Variants in ZNF341 observed in about 807,000 individuals in gnomAD.
The protein encoded by ZNF341 is zinc finger protein 341.
A neutral mutation model predicts 87.7 loss-of-function variants in ZNF341; 52 were observed. That is an observed-to-expected ratio of 0.59 (90% confidence interval 0.47 to 0.75). The LOEUF is 0.75. ZNF341 is among the 30% of genes least tolerant of loss of function. The pLI, the probability that ZNF341 is intolerant of heterozygous loss-of-function variation, is 0.00. For synonymous variants in ZNF341, 459 were observed against 472.7 expected, an observed-to-expected ratio of 0.97 and a Z score of 0.38; for missense variants, 977 against 1,145.9, an observed-to-expected ratio of 0.85 and a Z score of 2.13.
chr20:33,766,744 C>A, intron 8 of ZNF341, 107 bp from the exon 9 acceptor site: 1 of 1,225,652 alleles, frequency 8.2e-7, no homozygotes, highest in Non-Finnish European at 1.1e-6. Flanking sequence ...TGACCCAAAG[C>A]GAGTAGCAGG....
At position 33,732,990 on chromosome 20, in the gene ZNF341, C is replaced by T. The variant is rs182446299; in HGVS notation, c.31+938C>T. 1.3e-4 allele frequency among the ~76,000 whole-genome samples: 20 copies of T among 152,256 alleles called. No homozygotes were observed. Among genetic ancestry groups the T allele is most frequent in the African/African-American group, 2.4e-5 (1 of 41,522 alleles). ...GTGCAAACTCGAAGTACTGGACTGGCGGGATGAAGCTGAAGCTTTGAGTCC... is the reference window on the plus strand; with the variant it reads ...GTGCAAACTCGAAGTACTGGACTGGTGGGATGAAGCTGAAGCTTTGAGTCC... On this transcript the variant is annotated intron_variant, in intron 1 of 14. Transcript: ENST00000375200. This position sits in a 1 kb window ranked among gnomAD's most constrained non-coding sequence, Gnocchi z 4.5.
chr20:33,771,103 CAG>C (rs1209829006), intron 10 of ZNF341, among the ~76,000 whole-genome samples: 1 of 151,904 alleles, frequency 6.6e-6, no homozygotes, highest in Non-Finnish European at 1.5e-5. Context: ...GCCTGGGCGA[CAG>C]AGCAACACTC....
intron 10 of ZNF341, among the ~76,000 whole-genome samples, chr20:33,771,137 C>T (rs761368806): frequency 2.3e-4 from 35 of 152,020 alleles, no homozygotes; most frequent in Non-Finnish European, 3.7e-4. Context: ...AAATAAAATA[C>T]AATAAAATGA....
intron 9 of ZNF341, among the ~76,000 whole-genome samples, chr20:33,767,376 G>A (rs2019432023): frequency 8.5e-6 from 1 of 117,596 alleles, no homozygotes; most frequent in South Asian, 3.0e-4. Context: ...CTGGGATGGT[G>A]ATCACTTCTT....
In ZNF341 at chr20:33,740,981, T is replaced by A; in HGVS notation, c.111T>A (p.Ser37Arg). The change falls in exon 2 of 15, where the codon AGT (serine) becomes AGA (arginine). Residue 37 changes from serine (S) to arginine (R), a missense_variant. Ser to Arg is a moderately radical substitution (Grantham distance 110). Around this residue, in one of 3 missense-constraint regions of ZNF341, gnomAD observed 515 missense variants for 598.2 expected, o/e 0.86. Transcript: ENST00000375200. ...CAGTCCCTGATCCGACAGGCCAGAG[T>A]GTCAATGCGCCCCCTGCTATCCAGC... is the stretch of plus-strand genomic sequence containing the variant. ...QGAVPDPTGQ[S>R]VNAPPAIQPL... The A allele has an allele frequency of 6.2e-7, 1 of 1,613,932 alleles. No individual in the cohort carries two copies. The highest frequency in any genetic ancestry group is 8.5e-7 in the Non-Finnish European group (1 of 1,179,986).
rs570963662 is a variant in ZNF341 at position 33,766,351 on chromosome 20, C to T, written c.1223-500C>T. ...CTGGGATTACAGGCACCCTCCACCA[C>T]GCCTGGCTAATTTTTGTATTGTTAG... On this transcript the variant is annotated intron_variant, in intron 8 of 14. Coordinates refer to ENST00000375200, the MANE Select transcript of ZNF341 (RefSeq NM_001282933.2). Among the ~76,000 whole-genome samples the T allele has an allele frequency of 1.2e-4, 18 of 152,176 alleles. No individual in the cohort carries two copies. The South Asian group carries it at 2.5e-3, about 21-fold the overall frequency.
At position 33,783,818 on chromosome 20, in the gene ZNF341, C is replaced by A. The variant is rs765306600; in HGVS notation, c.1806C>A (p.Phe602Leu). The change falls in exon 12 of 15, where the codon TTC (phenylalanine) becomes TTA (leucine). Residue 602 changes from phenylalanine (F) to leucine (L), a missense_variant. Coordinates refer to ENST00000375200, the MANE Select transcript of ZNF341 (RefSeq NM_001282933.2). ...TCAAGTGCCAAGTGTGCAAGAAGTT[C>A]TTCCGGCGGGAGCATTATCTCAAAC... is the stretch of plus-strand genomic sequence containing the variant. Reference protein sequence around the residue: ...GRFKCQVCKKFFRREHYLKLH... With the variant: ...GRFKCQVCKKLFRREHYLKLH... The A allele has an allele frequency of 3.1e-6, 5 of 1,613,666 alleles. No individual in the cohort carries two copies. The highest frequency in any genetic ancestry group is 2.7e-5 in the African/African-American group (2 of 74,822).
chr20:33,759,802 G>T (rs2019256120), intron 7 of ZNF341, among the ~76,000 whole-genome samples: 1 of 148,252 alleles, frequency 6.7e-6, no homozygotes, highest in East Asian at 2.0e-4. Context: ...GAGAGAGAGA[G>T]AACAAACCTC....
At chr20:33,788,451 C>T (rs1465079972) in intron 12 of ZNF341, 2 of 225,868 alleles carry the variant, frequency 8.9e-6, no homozygotes, top group East Asian at 2.3e-4. Context: ...AAAGCCAAGT[C>T]CTTAGCTCTG....
chr20:33,767,532 G>A (rs2019435249), intron 9 of ZNF341, among the ~76,000 whole-genome samples: 1 of 152,068 alleles, frequency 6.6e-6, no homozygotes, highest in South Asian at 2.1e-4. Context: ...GCCTCCCAAA[G>A]TGCTAGGATT....
intron 12 of ZNF341, among the ~76,000 whole-genome samples, chr20:33,785,370 TCTCA>T (rs934181356): frequency 1.7e-4 from 26 of 152,198 alleles, no homozygotes; most frequent in African/African-American, 6.3e-4. Context: ...TGAGACAGGG[TCTCA>T]CTCTGTCACC....
In ZNF341 at chr20:33,791,798, A is replaced by C; in HGVS notation, c.*281A>C. 2 of 405,454 alleles carry C rather than the reference A, an allele frequency of 4.9e-6. No homozygotes were observed. Among genetic ancestry groups the C allele is most frequent in the East Asian group, 7.3e-5 (2 of 27,284 alleles). 25.1% of individuals were successfully genotyped at this position (405,454 alleles called of 1,614,324 possible). ...GAGATGGCTGAAGCCTGAGCAGCCC[A>C]GAGTCCCGCTGGTCTAGGCTGGTGG... is the stretch of plus-strand genomic sequence containing the variant. On this transcript the variant is annotated 3_prime_UTR_variant, in exon 15 of 15. Coordinates refer to ENST00000375200, the MANE Select transcript of ZNF341 (RefSeq NM_001282933.2).
At chr20:33,756,365 T>G (rs1442242259) in intron 5 of ZNF341, among the ~76,000 whole-genome samples, 1 of 134,152 alleles carries the variant, frequency 7.5e-6, no homozygotes, top group African/African-American at 3.1e-5. Flanking sequence ...GTTCTCTCTC[T>G]CTCTTTTTTT....
Position 33,783,853 on chromosome 20 carries a change from A to T in ZNF341, c.1841A>T (p.His614Leu). ...GAGCATTATCTCAAACTGCATGCTC[A>T]CATCCACTCGGGTAGGTACCCTGCC... is the stretch of plus-strand genomic sequence containing the variant. The part of the protein sequence containing the change: ...RREHYLKLHA[H>L]IHSGEKPYKC... The change falls in exon 12 of 15, where the codon CAC becomes CTC. Residue 614 changes from histidine to leucine, a missense_variant. His to Leu is a moderately conservative substitution (Grantham distance 99, BLOSUM62 -3). Coordinates refer to ENST00000375200, the MANE Select transcript of ZNF341 (RefSeq NM_001282933.2). The T allele has an allele frequency of 3.1e-6, 5 of 1,613,190 alleles. No homozygotes were observed. Among genetic ancestry groups the T allele is most frequent in the Non-Finnish European group, 4.2e-6 (5 of 1,179,656 alleles).
At position 33,732,613 on chromosome 20, in the gene ZNF341, G is replaced by A. The variant is rs185297265; in HGVS notation, c.31+561G>A. Among the ~76,000 whole-genome samples the A allele has an allele frequency of 2.0e-4, 30 of 152,250 alleles. No individual in the cohort carries two copies. The highest frequency in any genetic ancestry group is 7.2e-4 in the African/African-American group (30 of 41,464). On this transcript the variant is annotated intron_variant, in intron 1 of 14. Coordinates refer to ENST00000375200, the MANE Select transcript of ZNF341 (RefSeq NM_001282933.2). The surrounding 1 kb of genome is among the most constrained non-coding windows in gnomAD (Gnocchi z 4.5). Reference sequence around the variant, plus strand: ...GGACCCAAGCCAGCAAACACCTGGCGCCTGCAGTGCGCACCGTGGCCGGTG... The same window carrying A: ...GGACCCAAGCCAGCAAACACCTGGCACCTGCAGTGCGCACCGTGGCCGGTG...
chr20:33,751,379 A>G (rs934296731), intron 4 of ZNF341, among the ~76,000 whole-genome samples: 4 of 152,140 alleles, frequency 2.6e-5, no homozygotes, highest in Non-Finnish European at 4.4e-5. Context: ...AGGAACACAC[A>G]GCAAGATCAG....
chr20:33,746,530 C>T (rs1262560987), intron 3 of ZNF341, among the ~76,000 whole-genome samples: 1 of 152,052 alleles, frequency 6.6e-6, no homozygotes, highest in Non-Finnish European at 1.5e-5. Flanking sequence ...CCACACCCAG[C>T]CGCTGGGGCT....
intron 1 of ZNF341, among the ~76,000 whole-genome samples, chr20:33,733,751 C>T (rs1347216862): frequency 6.6e-6 from 1 of 152,156 alleles, no homozygotes; most frequent in Non-Finnish European, 1.5e-5. Flanking sequence ...TAGTGGGGTT[C>T]CGATTCAAAG....
chr20:33,790,090 TG>T (rs1225734412), intron 14 of ZNF341, among the ~76,000 whole-genome samples: 15 of 147,904 alleles, frequency 1.0e-4, no homozygotes, highest in Admixed American at 8.6e-4. Flanking sequence ...TTTTTTTTTT[TG>T]AGACGGAGCC....
Sources: gnomAD v4.1 joint callset for allele counts (sites outside exome capture counted in the v4.1 genomes callset) on GRCh38, gnomAD v4.1.1 for gene constraint, gnomAD v4.1.1 regional missense constraint, Gnocchi (gnomAD v3.1) non-coding constraint, MANE v1.5 for transcripts, NCBI Gene and HGNC (gene_info 2026-07-23, HGNC 2026-07-21) for gene names.